Variants in TRPC4 observed in about 807,000 individuals in gnomAD.
The protein encoded by TRPC4 is short transient receptor potential channel 4.
In TRPC4, 49 loss-of-function variants were observed where a neutral mutation model predicts 99.4. The ratio of observed to expected loss-of-function variants is 0.49; its 90% CI spans 0.39 to 0.63. TRPC4 has a LOEUF of 0.63. TRPC4 is among the 20% of genes least tolerant of loss of function. The pLI, the probability that TRPC4 is intolerant of heterozygous loss-of-function variation, is 0.00. For synonymous variants in TRPC4, 454 were observed against 425.9 expected, an observed-to-expected ratio of 1.07 and a Z score of -0.81; for missense variants, 898 against 1,152.9, an observed-to-expected ratio of 0.78 and a Z score of 3.20.
chr13:37,748,259 C>T (rs193197584), intron 2 of TRPC4, among the ~76,000 whole-genome samples: 9 of 152,160 alleles, frequency 5.9e-5, no homozygotes, highest in Non-Finnish European at 1.3e-4. Flanking sequence ...GAAGACAAAA[C>T]AATGTAACTA....
intron 3 of TRPC4, among the ~76,000 whole-genome samples, chr13:37,705,947 A>G (rs2138958687): frequency 9.2e-6 from 1 of 108,592 alleles, no homozygotes; most frequent in Non-Finnish European, 2.0e-5. Flanking sequence ...CTGATTTTTC[A>G]TGATGAGTTC....
intron 1 of TRPC4, among the ~76,000 whole-genome samples, chr13:37,858,011 AC>A (rs1959188247): frequency 6.6e-6 from 1 of 151,792 alleles, no homozygotes; most frequent in Non-Finnish European, 1.5e-5. Context: ...TCTTCAAACT[AC>A]CCATCTGACA....
In TRPC4 at chr13:37,861,960, T is replaced by C. The variant is rs189482434; in HGVS notation, c.-28+7635A>G. Reference sequence around the variant, plus strand: ...CTAGGAATGCAGGTTCCAATAATGGTTTTTTTTAAAAAGGAGGAATGTATC... The same window carrying C: ...CTAGGAATGCAGGTTCCAATAATGGCTTTTTTTAAAAAGGAGGAATGTATC... On this transcript the variant is annotated intron_variant, in intron 1 of 10. Transcript: ENST00000379705. Among the ~76,000 whole-genome samples the C allele has an allele frequency of 4.7e-5, 7 of 149,290 alleles. No individual in the cohort carries two copies. In the East Asian group the frequency reaches 1.4e-3, roughly 29 times the overall value.
intron 1 of TRPC4, among the ~76,000 whole-genome samples, chr13:37,819,564 G>A (rs187943744): frequency 2.1e-3 from 316 of 152,000 alleles, no homozygotes; most frequent in African/African-American, 7.4e-3. Context: ...GCAAACTAAC[G>A]CAGGAACAGG....
intron 4 of TRPC4, among the ~76,000 whole-genome samples, chr13:37,687,842 G>C (rs1953540968): frequency 6.6e-6 from 1 of 152,142 alleles, no homozygotes; most frequent in Non-Finnish European, 1.5e-5. Context: ...CAGGCCCATA[G>C]GAATGCTTGA....
At chr13:37,745,473 T>TATATAC (rs1288455219) in intron 3 of TRPC4, among the ~76,000 whole-genome samples, 10 of 5,386 alleles carry the variant, frequency 1.9e-3, no homozygotes, top group African/African-American at 2.5e-3. Context: ...TATATATATA[T>TATATAC]ACACACACAC....
At chr13:37,673,232 G>T (rs1054084959) in intron 5 of TRPC4, among the ~76,000 whole-genome samples, 1 of 151,816 alleles carries the variant, frequency 6.6e-6, no homozygotes, top group Non-Finnish European at 1.5e-5. Flanking sequence ...TGCTCAGAAT[G>T]ATGGTTTCCA....
chr13:37,667,523 G>A (rs78944023), intron 5 of TRPC4, among the ~76,000 whole-genome samples: 18,738 of 152,126 alleles, frequency 0.12, 1,472 homozygotes, highest in Middle Eastern at 0.24. Flanking sequence ...GGCCAGGCTG[G>A]TCTTGAACTC....
chr13:37,658,594 A>G (rs952652503), intron 6 of TRPC4, among the ~76,000 whole-genome samples: 4 of 152,220 alleles, frequency 2.6e-5, no homozygotes, highest in African/African-American at 9.6e-5. Flanking sequence ...CATTAGGAAT[A>G]CAGCTCCAAC....
At chr13:37,752,198 AG>A (rs1955953765) in intron 2 of TRPC4, among the ~76,000 whole-genome samples, 1 of 150,688 alleles carries the variant, frequency 6.6e-6, no homozygotes, top group Admixed American at 6.6e-5. Flanking sequence ...AGTATTAACA[AG>A]AATACGGTAC....
chr13:37,670,011 T>C (rs889658694), intron 5 of TRPC4, among the ~76,000 whole-genome samples: 2 of 152,072 alleles, frequency 1.3e-5, no homozygotes, highest in African/African-American at 4.8e-5. Context: ...ATGAGATTAG[T>C]GTCCTTATAA....
intron 1 of TRPC4, among the ~76,000 whole-genome samples, chr13:37,791,203 C>T (rs967410645): frequency 4.0e-5 from 6 of 151,606 alleles, no homozygotes; most frequent in Non-Finnish European, 7.4e-5. Flanking sequence ...ACCAGCCTGG[C>T]CAAAATAGTG....
chr13:37,769,435 A>G lies in TRPC4; in HGVS notation c.378+13521T>C, dbSNP rs187452515. ...CTAAAATATCCCTAAGGGAACCTGT[A>G]TATTATTCTATGGGATTAACTCTGA... On this transcript the variant is annotated intron_variant, in intron 2 of 10. Coordinates refer to ENST00000379705, the MANE Select transcript of TRPC4 (RefSeq NM_016179.4). Among the ~76,000 whole-genome samples, 18 of 151,598 alleles carry G rather than the reference A, an allele frequency of 1.2e-4. No homozygotes were observed. The East Asian group carries it at 3.5e-3, about 30-fold the overall frequency.
At chr13:37,674,472 T>C (rs1952975972) in intron 4 of TRPC4, 105 bp from the exon 5 acceptor site, 4 of 1,219,610 alleles carry the variant, frequency 3.3e-6, no homozygotes, top group South Asian at 3.1e-5. Flanking sequence ...AGAGACCACA[T>C]TGTTACACTA....
intron 1 of TRPC4, among the ~76,000 whole-genome samples, chr13:37,830,981 T>G (rs1454289993): frequency 2.0e-5 from 3 of 149,496 alleles, no homozygotes; most frequent in East Asian, 3.9e-4. Context: ...ATAGTTTGAG[T>G]TTCTTATCTA....
intron 1 of TRPC4, among the ~76,000 whole-genome samples, chr13:37,852,036 C>T (rs1959072561): frequency 6.6e-6 from 1 of 152,092 alleles, no homozygotes. Flanking sequence ...GCTCTGGGGT[C>T]CTAGGTAAAT....
intron 1 of TRPC4, among the ~76,000 whole-genome samples, chr13:37,831,417 T>C (rs945403061): frequency 6.6e-6 from 1 of 152,162 alleles, no homozygotes; most frequent in Non-Finnish European, 1.5e-5. Flanking sequence ...GAAAAGGAAA[T>C]CCTCATACGC....
intron 1 of TRPC4, among the ~76,000 whole-genome samples, chr13:37,827,493 C>G (rs1278347477): frequency 1.3e-4 from 20 of 152,132 alleles, no homozygotes; most frequent in Admixed American, 9.2e-4. Flanking sequence ...TTCTAACAGA[C>G]AGGACCCTCA....
At chr13:37,765,401 T>C (rs1956336341) in intron 2 of TRPC4, among the ~76,000 whole-genome samples, 1 of 151,486 alleles carries the variant, frequency 6.6e-6, no homozygotes, top group Non-Finnish European at 1.5e-5. Flanking sequence ...GCAAAAGATT[T>C]AATGTTCATC....
Sources: gnomAD v4.1 joint callset for allele counts (sites outside exome capture counted in the v4.1 genomes callset) on GRCh38, gnomAD v4.1.1 for gene constraint, MANE v1.5 for transcripts, NCBI Gene and HGNC (gene_info 2026-07-23, HGNC 2026-07-21) for gene names.